Variants in ATMIN observed in about 807,000 individuals in gnomAD.
ATMIN encodes ATM interactor.
Under a neutral mutation model 49.2 loss-of-function variants are expected in ATMIN, and 24 were observed. That is an observed-to-expected ratio of 0.49 (90% CI 0.35 to 0.69). The LOEUF (loss-of-function observed/expected upper bound fraction) is 0.69, where lower values mean the gene tolerates loss of function less well. Ranked by LOEUF, ATMIN falls within the 30% of genes least tolerant of loss-of-function variation. The pLI is 0.00. For synonymous variants in ATMIN, 450 were observed against 392.5 expected (o/e 1.15, Z -1.73); for missense variants, 1,037 against 1,005.5 (o/e 1.03, Z -0.42).
chr16:81,045,804 C>G lies in ATMIN; in HGVS notation c.*834C>G, dbSNP rs1354588741. 6.6e-6 allele frequency: 1 copy of G among 151,732 alleles called. No homozygotes were observed. Among genetic ancestry groups the G allele is most frequent in the East Asian group, 1.9e-4 (1 of 5,170 alleles). 9.4% of individuals were successfully genotyped at this position (151,732 alleles called of 1,614,324 possible). A position where few individuals can be genotyped will look rare whatever the true frequency, so the allele number is the denominator to read the frequency against. ...ACCAGCTTGGGCAACGTAAGAAGAC[C>G]GTGTCTCTGGAATTTTTTTTTTTTT... On this transcript the variant is annotated 3_prime_UTR_variant, in exon 4 of 4. Transcript: ENST00000299575.
Position 81,044,039 on chromosome 16 carries a change from G to A in ATMIN, c.1541G>A (p.Cys514Tyr), listed in dbSNP as rs1971079723. Residue 514 changes from cysteine to tyrosine, a missense_variant, in exon 4 of 4, where the codon TGC (cysteine) becomes TAC (tyrosine). Transcript: ENST00000299575. ...DHVQMDQAGM[C>Y]GDIFESVHSS... ...GTACAGATGGACCAAGCTGGAATGT[G>A]CGGAGACATTTTTGAGAGTGTTCAT... 1 of 1,614,084 alleles carries A rather than the reference G, an allele frequency of 6.2e-7. No individual in the cohort carries two copies. The highest frequency in any genetic ancestry group is 1.7e-5 in the Admixed American group (1 of 60,008).
chr16:81,041,965 G>T (rs1419098366), intron 2 of ATMIN, among the ~76,000 whole-genome samples: 1 of 152,218 alleles, frequency 6.6e-6, no homozygotes, highest in Non-Finnish European at 1.5e-5. Context: ...GTCTGCTGGA[G>T]GGCGTCCTGA....
At chr16:81,037,404 C>G in intron 1 of ATMIN, 2 of 985,408 alleles carry the variant, frequency 2.0e-6, no homozygotes, top group East Asian at 1.1e-4. Flanking sequence ...TCTGCTCTTA[C>G]CACCATCTAA....
intron 1 of ATMIN, 36 bp downstream of exon 1, chr16:81,036,242 G>A (rs1171265667): frequency 4.6e-6 from 6 of 1,293,684 alleles, no homozygotes; most frequent in Admixed American, 3.6e-5. Flanking sequence ...GGGGGGCCGG[G>A]CCTGGCTCCA....
rs1255983926 is a variant in ATMIN, at chr16:81,046,211, TAAAC to T, written c.*1244_*1247del. The stretch of plus-strand genomic sequence containing the variant: ...GATCTGAGTTTTGTCACTCTAAAAT[TAAAC>T]AAGAAAAAAAGTGGGAAAAGGGCAT... On this transcript the variant is annotated 3_prime_UTR_variant, in exon 4 of 4. Coordinates refer to ENST00000299575, the MANE Select transcript of ATMIN (RefSeq NM_015251.3). 1.3e-5 allele frequency: 2 copies of T among 151,296 alleles called. No homozygotes were observed. The highest frequency in any genetic ancestry group is 4.9e-5 in the African/African-American group (2 of 40,674). The allele number at this position is 151,296 out of a possible 1,614,324, so 9.4% of individuals were successfully genotyped here. A position where few individuals can be genotyped will look rare whatever the true frequency, so the allele number is the denominator to read the frequency against.
rs1436251257 is a variant in ATMIN at position 81,043,234 on chromosome 16, T to A, written c.736T>A (p.Ser246Thr). Residue 246 changes from serine (S) to threonine (T), a missense_variant, in exon 4 of 4, where the codon TCA becomes ACA. By Grantham distance (58) the Ser-to-Thr change is moderately conservative (BLOSUM62 1). Transcript: ENST00000299575. ...NQKLSNKTIE[S>T]LNNQPIPRPD... ...GAAGTTATCCAACAAGACCATTGAA[T>A]CATTGAACAACCAACCAATCCCTAG... is the stretch of plus-strand genomic sequence containing the variant. 2 of 1,614,122 alleles carry A rather than the reference T, an allele frequency of 1.2e-6. No individual in the cohort carries two copies. Among genetic ancestry groups the A allele is most frequent in the Admixed American group, 3.3e-5 (2 of 60,022 alleles).
chr16:81,043,613 C>T lies in ATMIN; in HGVS notation c.1115C>T (p.Ala372Val), dbSNP rs754148891. 9 of 1,614,082 alleles carry T rather than the reference C, an allele frequency of 5.6e-6. No individual in the cohort carries two copies. The highest frequency in any genetic ancestry group is 1.3e-5 in the African/African-American group (1 of 74,930). The change falls in exon 4 of 4, where the codon GCT becomes GTT. Residue 372 changes from alanine (A) to valine (V), a missense_variant. Ala to Val is a moderately conservative substitution (Grantham distance 64, BLOSUM62 0). Transcript: ENST00000299575. The stretch of plus-strand genomic sequence containing the variant: ...GAGAGCCTACCTCTTTTCAAAATTG[C>T]TAATCCTATTGCTGGTGAGCCAATA... ...LKESLPLFKI[A>V]NPIAGEPIST...
At chr16:81,042,246 G>T in intron 2 of ATMIN, 35 bp from the exon 3 acceptor site, 1 of 1,600,930 alleles carries the variant, frequency 6.2e-7, no homozygotes, top group Non-Finnish European at 8.5e-7. Flanking sequence ...ACCAGTTGCT[G>T]TTTTTCACCT....
At position 81,043,743 on chromosome 16, in the gene ATMIN, A is replaced by T; in HGVS notation, c.1245A>T (p.Thr415=). 6.2e-7 allele frequency: 1 copy of T among 1,614,278 alleles called. No individual in the cohort carries two copies. The highest frequency in any genetic ancestry group is 8.5e-7 in the Non-Finnish European group (1 of 1,180,052). ...GCATTTCTTCAATCAACGTGCAGAC[A>T]GATCTGTCTTATGCCTCACAAAACT... ...KNSISSINVQ[T]DLSYASQNFI... Residue 415 remains threonine, a synonymous_variant, in exon 4 of 4, where the codon ACA becomes ACT. Coordinates refer to ENST00000299575, the MANE Select transcript of ATMIN (RefSeq NM_015251.3).
chr16:81,043,034 T>C, intron 3 of ATMIN, 127 bp from the exon 4 acceptor site: 4 of 1,183,970 alleles, frequency 3.4e-6, no homozygotes, highest in Non-Finnish European at 4.7e-6. Flanking sequence ...AATGGATTTA[T>C]CTTGTCTGGG....
At chr16:81,040,910 G>C (rs1423689177) in intron 1 of ATMIN, 1 of 156,100 alleles carries the variant, frequency 6.4e-6, no homozygotes, top group Admixed American at 6.2e-5. Context: ...AAGAGGACAG[G>C]AGATAGTAAA....
chr16:81,047,175 A>T lies in ATMIN; in HGVS notation c.*2205A>T, dbSNP rs1971135979. 1 of 152,546 alleles carries T rather than the reference A, an allele frequency of 6.6e-6. No homozygotes were observed. The highest frequency in any genetic ancestry group is 6.5e-5 in the Admixed American group (1 of 15,286). 9.4% of individuals were successfully genotyped at this position (152,546 alleles called of 1,614,324 possible). ...AATACAAGAACTGTTTCCCCCTCAA[A>T]ACCTGAACCTGAATTATTTGTAAAA... On this transcript the variant is annotated 3_prime_UTR_variant, in exon 4 of 4. Transcript: ENST00000299575.
At position 81,044,533 on chromosome 16, in the gene ATMIN, G is replaced by A. The variant is rs777967611; in HGVS notation, c.2035G>A (p.Ala679Thr). Residue 679 changes from alanine to threonine, a missense_variant, in exon 4 of 4, where the codon GCA (alanine) becomes ACA (threonine). Ala to Thr is a moderately conservative substitution (Grantham distance 58). Transcript: ENST00000299575. ...DIETQTDFLL[A>T]DTSAQSYGCR... ...AGAGACTCAAACGGACTTCTTACTC[G>A]CAGATACCTCTGCTCAGTCCTATGG... The A allele has an allele frequency of 6.8e-6, 11 of 1,613,872 alleles. No individual in the cohort carries two copies. Among genetic ancestry groups the A allele is most frequent in the African/African-American group, 1.3e-5 (1 of 74,942 alleles).
intron 1 of ATMIN, among the ~76,000 whole-genome samples, chr16:81,037,791 A>G (rs1970970382): frequency 6.6e-6 from 1 of 151,558 alleles, no homozygotes; most frequent in African/African-American, 2.4e-5. Context: ...ACCTGCCACC[A>G]CACCCTGCTA....
rs1971104534 is a variant in ATMIN, at chr16:81,045,599, C to T, written c.*629C>T. On this transcript the variant is annotated 3_prime_UTR_variant, in exon 4 of 4. Transcript: ENST00000299575. ...TCATGTAATCATTGCCACCTCTTCG[C>T]TACATGAACTACTATTGATACCAGC... 1 of 152,628 alleles carries T rather than the reference C, an allele frequency of 6.6e-6. No individual in the cohort carries two copies. Among genetic ancestry groups the T allele is most frequent in the Non-Finnish European group, 1.5e-5 (1 of 68,428 alleles). 9.5% of individuals were successfully genotyped at this position (152,628 alleles called of 1,614,324 possible).
Position 81,045,093 on chromosome 16 carries a change from TTG to T in ATMIN, c.*127_*128del. 1 of 1,286,380 alleles carries T rather than the reference TTG, an allele frequency of 7.8e-7. No individual in the cohort carries two copies. The highest frequency in any genetic ancestry group is 2.4e-5 in the East Asian group (1 of 42,280). 79.7% of individuals were successfully genotyped at this position (1,286,380 alleles called of 1,614,324 possible). A position where few individuals can be genotyped will look rare whatever the true frequency, so the allele number is the denominator to read the frequency against. ...CTGATGATGCAGTTGCTTAGCTTCT[TTG>T]TGTTTCTTTGCCTTTTGTACTTGTA... On this transcript the variant is annotated 3_prime_UTR_variant, in exon 4 of 4. Coordinates refer to ENST00000299575, the MANE Select transcript of ATMIN (RefSeq NM_015251.3).
chr16:81,045,176 A>C lies in ATMIN; in HGVS notation c.*206A>C. ...TTATAAAGTTTGAGATGTTGATCTAAATTGTTTTTGTGTTGCCTACATTTG... is the reference window on the plus strand; with the variant it reads ...TTATAAAGTTTGAGATGTTGATCTACATTGTTTTTGTGTTGCCTACATTTG... On this transcript the variant is annotated 3_prime_UTR_variant, in exon 4 of 4. Transcript: ENST00000299575. 2 of 649,940 alleles carry C rather than the reference A, an allele frequency of 3.1e-6. No homozygotes were observed. Among genetic ancestry groups the C allele is most frequent in the African/African-American group, 1.8e-5 (1 of 54,278 alleles). The allele number at this position is 649,940 out of a possible 1,614,324, so 40.3% of individuals were successfully genotyped here. A position where few individuals can be genotyped will look rare whatever the true frequency, so the allele number is the denominator to read the frequency against.
intron 1 of ATMIN, among the ~76,000 whole-genome samples, chr16:81,037,965 A>C (rs745556023): frequency 1.3e-5 from 2 of 151,950 alleles, no homozygotes; most frequent in Non-Finnish European, 2.9e-5. Flanking sequence ...ATCATAACTT[A>C]GGTGGATGAA....
chr16:81,040,775 G>GCT (rs1379203766), intron 1 of ATMIN: 1 of 154,902 alleles, frequency 6.5e-6, no homozygotes, highest in African/African-American at 2.4e-5. Context: ...CATGATCGAA[G>GCT]CTATACTTGA....
Sources: allele counts gnomAD v4.1 joint callset (sites outside exome capture counted in the v4.1 genomes callset), GRCh38; gene constraint gnomAD v4.1.1; transcripts MANE v1.5; gene names NCBI Gene and HGNC (gene_info 2026-07-23, HGNC 2026-07-21).